SRGAP3: variants seen among roughly 807,000 people sequenced by gnomAD.
The protein encoded by SRGAP3 is SLIT-ROBO Rho GTPase-activating protein 3.
Under a neutral mutation model 121.1 loss-of-function variants are expected in SRGAP3, and 39 were observed. The observed-to-expected ratio is 0.32, with a 90% CI of 0.25 to 0.42. The LOEUF (loss-of-function observed/expected upper bound fraction) is 0.42. SRGAP3 is among the 10% of genes least tolerant of loss of function. The probability of loss-of-function intolerance (pLI) is 1.00; values close to 1 mark genes in which losing one functional copy is unlikely to be tolerated. For missense variants in SRGAP3, 1,213 were observed against 1,470.6 expected (o/e 0.82, Z 2.86); for synonymous variants, 601 against 570.0 (o/e 1.05, Z -0.77).
intron 3 of SRGAP3, among the ~76,000 whole-genome samples, chr3:9,260,288 CAG>C (rs1157793930): frequency 5.3e-5 from 8 of 152,106 alleles, no homozygotes; most frequent in African/African-American, 1.7e-4. Context: ...CCTGGAATGC[CAG>C]AGAGATAGAA....
chr3:9,014,397 T>TGACA (rs1943531280), intron 15 of SRGAP3: 1 of 164,442 alleles, frequency 6.1e-6, no homozygotes, highest in African/African-American at 2.4e-5. Flanking sequence ...AGCACAGGCC[T>TGACA]GACACATAGT....
At chr3:9,102,702 T>C (rs1948266443) in intron 3 of SRGAP3, among the ~76,000 whole-genome samples, 1 of 152,242 alleles carries the variant, frequency 6.6e-6, no homozygotes, top group African/African-American at 2.4e-5. Flanking sequence ...ACAGGCCTGG[T>C]AACAAGGCAG....
At chr3:9,297,315 AAG>A (rs1403069214) in intron 3 of SRGAP3, among the ~76,000 whole-genome samples, 1 of 152,120 alleles carries the variant, frequency 6.6e-6, no homozygotes, top group Admixed American at 6.5e-5. Context: ...GCAAAAACTA[AAG>A]ACACTTGTGG....
At chr3:9,073,599 C>A (rs184469594) in intron 4 of SRGAP3, among the ~76,000 whole-genome samples, 2 of 152,228 alleles carry the variant, frequency 1.3e-5, no homozygotes, top group South Asian at 4.1e-4. Context: ...CCTCAGATTT[C>A]TCATCCCTAA....
intron 1 of SRGAP3, among the ~76,000 whole-genome samples, chr3:9,170,395 A>G (rs1950933659): frequency 6.6e-6 from 1 of 152,190 alleles, no homozygotes; most frequent in Non-Finnish European, 1.5e-5. Flanking sequence ...TCGGAGTAGT[A>G]GTGCGGGGAG....
At chr3:9,362,140 T>C (rs911901320) in intron 1 of SRGAP3, among the ~76,000 whole-genome samples, 5 of 149,872 alleles carry the variant, frequency 3.3e-5, no homozygotes, top group Non-Finnish European at 7.4e-5. Flanking sequence ...TCTGTCAAAA[T>C]GGCTACCATG....
intron 1 of SRGAP3, among the ~76,000 whole-genome samples, chr3:9,342,711 T>C (rs1284590743): frequency 6.6e-6 from 1 of 152,132 alleles, no homozygotes; most frequent in African/African-American, 2.4e-5. Flanking sequence ...TGCCTTTACT[T>C]AGACTCTTGA....
At chr3:9,203,071 C>T (rs1952123364) in intron 1 of SRGAP3, among the ~76,000 whole-genome samples, 1 of 152,216 alleles carries the variant, frequency 6.6e-6, no homozygotes, top group African/African-American at 2.4e-5. Context: ...GACACCGATC[C>T]TGAGAGTAAT....
intron 8 of SRGAP3, among the ~76,000 whole-genome samples, chr3:9,054,397 A>G (rs1040958675): frequency 2.6e-5 from 4 of 152,108 alleles, no homozygotes; most frequent in East Asian, 3.9e-4. Context: ...TAACCCAGAC[A>G]TTCCTTTCTT....
chr3:9,137,175 T>C (rs1949695199), intron 1 of SRGAP3, among the ~76,000 whole-genome samples: 1 of 152,194 alleles, frequency 6.6e-6, no homozygotes, highest in Non-Finnish European at 1.5e-5. Context: ...CCAAATCTTA[T>C]ACCACGTTGC....
At chr3:8,990,374 G>T in intron 21 of SRGAP3, 138 bp downstream of exon 21, 1 of 1,127,572 alleles carries the variant, frequency 8.9e-7, no homozygotes, top group East Asian at 2.6e-5. Flanking sequence ...AAGGGACGGG[G>T]AGGCCACTCA....
At chr3:9,132,849 G>GT (rs35698088) in intron 1 of SRGAP3, among the ~76,000 whole-genome samples, 86 of 151,228 alleles carry the variant, frequency 5.7e-4, no homozygotes, top group African/African-American at 1.9e-3. Context: ...GAAATATAGG[G>GT]TTTTTTTTAA....
At chr3:9,019,665 G>C (rs911772491) in intron 14 of SRGAP3, among the ~76,000 whole-genome samples, 1 of 152,216 alleles carries the variant, frequency 6.6e-6, no homozygotes, top group East Asian at 1.9e-4. Flanking sequence ...GTGAATACAT[G>C]TCACTGCCAG....
chr3:9,095,788 C>T (rs959000349), intron 3 of SRGAP3, among the ~76,000 whole-genome samples: 2 of 152,206 alleles, frequency 1.3e-5, no homozygotes, highest in African/African-American at 2.4e-5. Context: ...TATAACCTTG[C>T]GAGGTACAGT....
chr3:9,233,128 A>G (rs574485534), intron 1 of SRGAP3, among the ~76,000 whole-genome samples: 5 of 152,374 alleles, frequency 3.3e-5, no homozygotes, highest in Admixed American at 2.6e-4. Context: ...TGTGCCAAGC[A>G]CTGTGCTGGA....
chr3:9,035,984 C>G (rs1329287743), intron 11 of SRGAP3: 1 of 152,180 alleles, frequency 6.6e-6, no homozygotes, highest in African/African-American at 2.4e-5. Flanking sequence ...GTAAGGGGAG[C>G]CAGACATTCA....
intron 3 of SRGAP3, among the ~76,000 whole-genome samples, chr3:9,103,645 C>T (rs749675133): frequency 7.9e-5 from 12 of 152,344 alleles, no homozygotes; most frequent in African/African-American, 1.4e-4. Context: ...ATTTGTTTAA[C>T]GCTCACCCTC....
chr3:9,061,751 T>C (rs1946181967), intron 5 of SRGAP3, among the ~76,000 whole-genome samples: 1 of 151,978 alleles, frequency 6.6e-6, no homozygotes, highest in Non-Finnish European at 1.5e-5. Flanking sequence ...GGAGGATGAC[T>C]GGATGGGAGA....
chr3:9,106,499 T>C (rs372576), intron 2 of SRGAP3, among the ~76,000 whole-genome samples: 31,505 of 152,120 alleles, frequency 0.21, 3,439 homozygotes, highest in Middle Eastern at 0.3. Context: ...AGGAAGGCAA[T>C]TGATATAGTT....
Sources: allele counts gnomAD v4.1 joint callset (sites outside exome capture counted in the v4.1 genomes callset), GRCh38; gene constraint gnomAD v4.1.1; transcripts MANE v1.5; gene names NCBI Gene and HGNC (gene_info 2026-07-23, HGNC 2026-07-21).